The following SYNDIG1 variants were observed in gnomAD, a reference collection of about 807,000 sequenced individuals.
The protein encoded by SYNDIG1 is synapse differentiation inducing 1.
SYNDIG1 carries 9 observed loss-of-function variants against 19.4 expected under a neutral mutation model. The ratio of observed to expected loss-of-function variants is 0.46; its 90% CI spans 0.28 to 0.81. The LOEUF (loss-of-function observed/expected upper bound fraction) is 0.81, where lower values mean the gene tolerates loss of function less well. Ranked by LOEUF, SYNDIG1 falls within the 30% of genes least tolerant of loss-of-function variation. The pLI, the probability that SYNDIG1 is intolerant of heterozygous loss-of-function variation, is 0.12. For synonymous variants in SYNDIG1, 141 were observed against 145.9 expected (o/e 0.97, Z 0.24); for missense variants, 311 against 343.3 (o/e 0.91, Z 0.74).
At chr20:24,548,025 G>T (rs997822227) in intron 2 of SYNDIG1, among the ~76,000 whole-genome samples, 4 of 152,168 alleles carry the variant, frequency 2.6e-5, no homozygotes, top group African/African-American at 9.7e-5. Flanking sequence ...AAGGAAGAAG[G>T]GGGAAGGGAA....
At chr20:24,574,302 A>C (rs2146959505) in intron 2 of SYNDIG1, among the ~76,000 whole-genome samples, 1 of 146,158 alleles carries the variant, frequency 6.8e-6, no homozygotes, top group Non-Finnish European at 1.5e-5. Context: ...ACACAGTGAA[A>C]CCCCGTCTCT....
At chr20:24,528,022 T>G (rs2057164334) in intron 1 of SYNDIG1, among the ~76,000 whole-genome samples, 1 of 152,202 alleles carries the variant, frequency 6.6e-6, no homozygotes, top group Non-Finnish European at 1.5e-5. Flanking sequence ...CCTAAATCAG[T>G]GCAGCTCTGC....
intron 1 of SYNDIG1, among the ~76,000 whole-genome samples, chr20:24,492,202 C>T (rs1227810439): frequency 6.6e-6 from 1 of 152,186 alleles, no homozygotes; most frequent in Non-Finnish European, 1.5e-5. Context: ...AATGTGCCCC[C>T]CACTTTTCGC....
chr20:24,663,781 A>G (rs749861491), intron 3 of SYNDIG1, among the ~76,000 whole-genome samples: 1 of 152,330 alleles, frequency 6.6e-6, no homozygotes, highest in Non-Finnish European at 1.5e-5. Context: ...ACCCCTTTGC[A>G]TAGCCCTGGG....
intron 2 of SYNDIG1, among the ~76,000 whole-genome samples, chr20:24,549,336 T>C (rs1029139824): frequency 6.6e-6 from 1 of 152,182 alleles, no homozygotes; most frequent in Non-Finnish European, 1.5e-5. Flanking sequence ...TCCTGACTTA[T>C]TTCATTTAAC....
intron 2 of SYNDIG1, among the ~76,000 whole-genome samples, chr20:24,548,023 AGGG>A (rs1323984678): frequency 6.6e-6 from 1 of 152,168 alleles, no homozygotes; most frequent in African/African-American, 2.4e-5. Flanking sequence ...TGAAGGAAGA[AGGG>A]GGAAGGGAAC....
chr20:24,492,359 G>C (rs900168904), intron 1 of SYNDIG1, among the ~76,000 whole-genome samples: 1 of 152,178 alleles, frequency 6.6e-6, no homozygotes, highest in Non-Finnish European at 1.5e-5. Flanking sequence ...CGGCCCCGCC[G>C]CCTCTGCTGT....
At chr20:24,544,628 A>G (rs1690624853) in intron 2 of SYNDIG1, among the ~76,000 whole-genome samples, 1 of 152,124 alleles carries the variant, frequency 6.6e-6, no homozygotes, top group African/African-American at 2.4e-5. Context: ...GCCTCTCAGA[A>G]GAAGTCCACA....
intron 3 of SYNDIG1, among the ~76,000 whole-genome samples, chr20:24,627,711 C>T (rs1468903766): frequency 6.6e-6 from 1 of 152,252 alleles, no homozygotes; most frequent in Non-Finnish European, 1.5e-5. Flanking sequence ...CAACAAAATG[C>T]TTTGCTACCA....
intron 3 of SYNDIG1, among the ~76,000 whole-genome samples, chr20:24,664,230 C>T (rs942104432): frequency 6.6e-6 from 1 of 152,156 alleles, no homozygotes; most frequent in African/African-American, 2.4e-5. Context: ...CGTCATGAGC[C>T]ATCTCTGAGT....
chr20:24,570,176 A>T (rs759307775), intron 2 of SYNDIG1, among the ~76,000 whole-genome samples: 2 of 152,240 alleles, frequency 1.3e-5, no homozygotes, highest in Non-Finnish European at 2.9e-5. Context: ...ATCACATTTA[A>T]ACGTAAAGTG....
rs561848917 is a variant in SYNDIG1, at chr20:24,658,659, G to A, written c.619-6687G>A. On this transcript the variant is annotated intron_variant, in intron 3 of 3. Transcript: ENST00000376862. This position sits in a 1 kb window ranked among gnomAD's most constrained non-coding sequence, Gnocchi z 4.4. ...CACTGAATGTGAAATAGATTCCCAC[G>A]AGGCATGTGGGTGTGGAGCCTGTTT... 3.4e-4 allele frequency among the ~76,000 whole-genome samples: 49 copies of A among 145,192 alleles called. No homozygotes were observed. Among genetic ancestry groups the A allele is most frequent in the South Asian group, 3.3e-3 (14 of 4,224 alleles).
At chr20:24,641,425 T>C (rs2059375818) in intron 3 of SYNDIG1, among the ~76,000 whole-genome samples, 2 of 152,140 alleles carry the variant, frequency 1.3e-5, no homozygotes, top group South Asian at 4.1e-4. Context: ...ACATAAAACA[T>C]TGCTGAGGAA....
rs574124238 is a variant in SYNDIG1 at position 24,610,658 on chromosome 20, A to G, written c.618+25665A>G. On this transcript the variant is annotated intron_variant, in intron 3 of 3. Transcript: ENST00000376862. ...AGCAGGACACAATTTATTATGCATG[A>G]AAGTTGAATCGTGAGAAAGGGAGTT... 9.3e-4 allele frequency among the ~76,000 whole-genome samples: 142 copies of G among 152,376 alleles called. 5 individuals are homozygous for G. In the South Asian group the frequency reaches 0.029, roughly 31 times the overall value.
chr20:24,586,365 C>T (rs926625899), intron 3 of SYNDIG1, among the ~76,000 whole-genome samples: 13 of 152,180 alleles, frequency 8.5e-5, no homozygotes, highest in South Asian at 2.1e-4. Flanking sequence ...TCCATCAGCA[C>T]AAGCATGGGG....
chr20:24,548,598 T>C (rs185796409), intron 2 of SYNDIG1, among the ~76,000 whole-genome samples: 108 of 152,338 alleles, frequency 7.1e-4, no homozygotes, highest in Non-Finnish European at 1.1e-3. Context: ...GAGAAAGAGT[T>C]CAGAAAATAA....
chr20:24,609,501 C>G (rs754134611), intron 3 of SYNDIG1, among the ~76,000 whole-genome samples: 8 of 152,192 alleles, frequency 5.3e-5, no homozygotes, highest in Non-Finnish European at 1.0e-4. Flanking sequence ...TGGCAGCACT[C>G]AAGCACACAC....
At chr20:24,574,538 A>G (rs1482372386) in intron 2 of SYNDIG1, among the ~76,000 whole-genome samples, 1 of 152,106 alleles carries the variant, frequency 6.6e-6, no homozygotes, top group African/African-American at 2.4e-5. Flanking sequence ...AAAATAATGC[A>G]TTTGCTAAAG....
At chr20:24,489,808 A>C in intron 1 of SYNDIG1, among the ~76,000 whole-genome samples, 1 of 152,380 alleles carries the variant, frequency 6.6e-6, no homozygotes, top group Non-Finnish European at 1.5e-5. Flanking sequence ...TGTGCGGTTC[A>C]GGGACAGACT....
Sources: gnomAD v4.1 joint callset for allele counts (sites outside exome capture counted in the v4.1 genomes callset) on GRCh38, gnomAD v4.1.1 for gene constraint, Gnocchi (gnomAD v3.1) non-coding constraint, MANE v1.5 for transcripts, NCBI Gene and HGNC (gene_info 2026-07-23, HGNC 2026-07-21) for gene names.